The following ZNF91 variants were observed in gnomAD, a reference collection of about 807,000 sequenced individuals.
The protein encoded by ZNF91 is zinc finger protein 91 (HPF7, HTF10).
Under a neutral mutation model 12.6 loss-of-function variants are expected in ZNF91, and 7 were observed. That is an observed-to-expected ratio of 0.55 (90% CI 0.31 to 1.04). The LOEUF (loss-of-function observed/expected upper bound fraction) is 1.04. Ranked by LOEUF, ZNF91 falls within the 50% of genes least tolerant of loss-of-function variation. The pLI, the probability that ZNF91 is intolerant of heterozygous loss-of-function variation, is 0.05. For synonymous variants in ZNF91, 453 were observed against 462.6 expected (o/e 0.98, Z 0.27); for missense variants, 1,217 against 1,385.4 (o/e 0.88, Z 1.93).
At chr19:23,374,205 A>T (rs1345710461) in intron 2 of ZNF91, among the ~76,000 whole-genome samples, 1 of 152,032 alleles carries the variant, frequency 6.6e-6, no homozygotes, top group Non-Finnish European at 1.5e-5. Context: ...CTAAACAAAC[A>T]AATCCCCAGG....
downstream of ZNF91, among the ~76,000 whole-genome samples, chr19:23,356,716 A>G (rs295371): frequency 0.1 from 15,783 of 151,804 alleles, 1,257 homozygotes; most frequent in East Asian, 0.37. Flanking sequence ...CCACCTGTAC[A>G]TAAGTAACTT....
At chr19:23,384,549 T>G in intron 1 of ZNF91, 1 of 1,159,842 alleles carries the variant, frequency 8.6e-7, no homozygotes, top group Non-Finnish European at 1.1e-6. Flanking sequence ...AAGGCCCCAA[T>G]TTACCTGAAA....
downstream of ZNF91, among the ~76,000 whole-genome samples, chr19:23,333,891 A>G (rs1967963551): frequency 6.6e-6 from 1 of 152,192 alleles, no homozygotes; most frequent in African/African-American, 2.4e-5. Flanking sequence ...CATCTGTTGA[A>G]TATCACTTTC....
intron 1 of ZNF91, chr19:23,384,570 A>C: frequency 8.8e-7 from 1 of 1,139,002 alleles, no homozygotes; most frequent in Non-Finnish European, 1.1e-6. Context: ...GCAGCCAATA[A>C]CAAGAAAGGA....
intron 1 of ZNF91, among the ~76,000 whole-genome samples, chr19:23,385,624 C>T (rs540650240): frequency 1.4e-4 from 21 of 152,272 alleles, no homozygotes; most frequent in African/African-American, 4.1e-4. Context: ...AAGGGCTGGA[C>T]GTGTCACATT....
chr19:23,362,544 A>G lies in ZNF91; in HGVS notation c.435T>C (p.Cys145=). 6.2e-7 allele frequency: 1 copy of G among 1,601,032 alleles called. No homozygotes were observed. The highest frequency in any genetic ancestry group is 8.5e-7 in the Non-Finnish European group (1 of 1,175,070). Residue 145 remains cysteine (C), a synonymous_variant, in exon 4 of 4, where the codon TGT becomes TGC. Transcript: ENST00000300619. ...HKEGYNKLNQ[C]LTTAQSKVFQ... is the part of the protein sequence containing the mutation. Reference sequence around the variant, plus strand: ...ATACTTTGCTCTGGGCAGTTGTGAGACACTGGTTAAGTTTATTATAACCTT... The same window carrying G: ...ATACTTTGCTCTGGGCAGTTGTGAGGCACTGGTTAAGTTTATTATAACCTT...
At chr19:23,348,228 A>C (rs1486274164) in intron 3 of ZNF91, among the ~76,000 whole-genome samples, 1 of 152,032 alleles carries the variant, frequency 6.6e-6, no homozygotes, top group East Asian at 1.9e-4. Context: ...TCTGTGCAAC[A>C]CCAAAGGCAC....
chr19:23,321,725 GTC>G (rs1967700476), intron 1 of ZNF91, among the ~76,000 whole-genome samples: 1 of 152,090 alleles, frequency 6.6e-6, no homozygotes, highest in South Asian at 2.1e-4. Context: ...GCATCTGTGG[GTC>G]CATAAATATT....
intron 3 of ZNF91, among the ~76,000 whole-genome samples, chr19:23,364,993 T>A (rs1968945367): frequency 1.3e-5 from 2 of 152,064 alleles, no homozygotes; most frequent in Admixed American, 1.3e-4. Flanking sequence ...CCCTAAAATA[T>A]ATAACACAAA....
Position 23,360,565 on chromosome 19 carries a change from T to G in ZNF91, c.2414A>C (p.Lys805Thr). The G allele has an allele frequency of 1.2e-6, 2 of 1,614,088 alleles. No homozygotes were observed. The highest frequency in any genetic ancestry group is 1.7e-6 in the Non-Finnish European group (2 of 1,179,988). Reference sequence around the variant, plus strand: ...AAGGGTTGAGGAACGGCTAAAAGCTTTGCCACATTCTTCACATTTGTAGGG... The same window carrying G: ...AAGGGTTGAGGAACGGCTAAAAGCTGTGCCACATTCTTCACATTTGTAGGG... Reference protein sequence around the residue: ...EKPYKCEECGKAFSRSSTLTK... With the variant: ...EKPYKCEECGTAFSRSSTLTK... The change falls in exon 4 of 4, where the codon AAA becomes ACA. Residue 805 changes from lysine (K) to threonine (T), a missense_variant. Around this residue, in one of 2 missense-constraint regions of ZNF91, gnomAD observed 491 missense variants for 489.8 expected, o/e 1.00. Coordinates refer to ENST00000300619, the MANE Select transcript of ZNF91 (RefSeq NM_003430.4).
intron 3 of ZNF91, among the ~76,000 whole-genome samples, chr19:23,371,376 G>A (rs575228676): frequency 6.6e-6 from 1 of 151,978 alleles, no homozygotes; most frequent in South Asian, 2.1e-4. Context: ...AATGAGATAA[G>A]AAAGAATATA....
downstream of ZNF91, among the ~76,000 whole-genome samples, chr19:23,357,002 G>T (rs539800522): frequency 5.3e-3 from 815 of 152,350 alleles, 8 homozygotes; most frequent in Non-Finnish European, 4.6e-3. Context: ...GCAGAGACGG[G>T]TGGATCACGA....
At chr19:23,376,049 A>G (rs1969494410) in intron 1 of ZNF91, among the ~76,000 whole-genome samples, 1 of 152,210 alleles carries the variant, frequency 6.6e-6, no homozygotes. Context: ...ATAAGCAGCT[A>G]TATCCTGATA....
At position 23,361,708 on chromosome 19, in the gene ZNF91, T is replaced by C. The variant is rs764264554; in HGVS notation, c.1271A>G (p.His424Arg). 3.7e-6 allele frequency: 6 copies of C among 1,610,980 alleles called. No homozygotes were observed. Among genetic ancestry groups the C allele is most frequent in the Non-Finnish European group, 5.1e-6 (6 of 1,178,076 alleles). ...AFNRSSNLTI[H>R]KFIHTGEKPY... ...TTTCTCTCCAGTATGAATAAACTTA[T>C]GTATAGTAAGATTTGAAGATCGATT... The change falls in exon 4 of 4, where the codon CAT becomes CGT. Residue 424 changes from histidine (H) to arginine (R), a missense_variant. Physicochemically the swap from His to Arg is conservative, Grantham distance 29. Around this residue, in one of 2 missense-constraint regions of ZNF91, gnomAD observed 726 missense variants for 895.5 expected, o/e 0.81. Transcript: ENST00000300619.
intron 1 of ZNF91, among the ~76,000 whole-genome samples, chr19:23,380,160 G>A (rs1969651525): frequency 6.6e-6 from 1 of 150,586 alleles, no homozygotes. Flanking sequence ...TCAGGAGGCT[G>A]AGGAAGGAGA....
At chr19:23,325,238 T>A (rs538946945) in intron 1 of ZNF91, 1 of 152,058 alleles carries the variant, frequency 6.6e-6, no homozygotes, top group Admixed American at 6.5e-5. Flanking sequence ...CCCAAAGTGG[T>A]CTGGGCTCCC....
intron 3 of ZNF91, among the ~76,000 whole-genome samples, chr19:23,344,418 C>T (rs1199324938): frequency 1.7e-4 from 26 of 152,104 alleles, no homozygotes; most frequent in Non-Finnish European, 2.9e-5. Context: ...TAATCTGAAT[C>T]TAATCATGAA....
At chr19:23,374,503 T>C in intron 2 of ZNF91, 135 bp downstream of exon 2, 1 of 907,626 alleles carries the variant, frequency 1.1e-6, no homozygotes, top group Non-Finnish European at 1.5e-6. Flanking sequence ...GAGCTTGCAA[T>C]GAGCCAAGAT....
chr19:23,313,012 A>G, upstream of ZNF91, among the ~76,000 whole-genome samples: 1 of 152,230 alleles, frequency 6.6e-6, no homozygotes, highest in African/African-American at 2.4e-5. Flanking sequence ...GTGAAGCTGT[A>G]ACTTCACCCA....
Sources: allele counts gnomAD v4.1 joint callset (sites outside exome capture counted in the v4.1 genomes callset), GRCh38; gene constraint gnomAD v4.1.1; regional missense constraint gnomAD v4.1.1; transcripts MANE v1.5; gene names NCBI Gene and HGNC (gene_info 2026-07-23, HGNC 2026-07-21).